SGCZ: variants seen among roughly 807,000 people sequenced by gnomAD.
SGCZ encodes the protein sarcoglycan zeta.
Under a neutral mutation model 41.3 loss-of-function variants are expected in SGCZ, and 40 were observed. The ratio of observed to expected loss-of-function variants is 0.97; its 90% CI spans 0.75 to 1.26. The LOEUF (loss-of-function observed/expected upper bound fraction) is 1.26, where lower values mean the gene tolerates loss of function less well. SGCZ is among the 50% of genes most tolerant of loss of function. The pLI is 0.00. For synonymous variants in SGCZ, 206 were observed against 137.5 expected, an observed-to-expected ratio of 1.50 and a Z score of -3.49; for missense variants, 552 against 369.8, an observed-to-expected ratio of 1.49 and a Z score of -4.04.
intron 1 of SGCZ, among the ~76,000 whole-genome samples, chr8:14,942,437 C>G (rs1585398602): frequency 6.6e-6 from 1 of 152,016 alleles, no homozygotes; most frequent in Non-Finnish European, 1.5e-5. Context: ...TTTTAACAAA[C>G]TAAAGAAATT....
At chr8:14,153,149 T>C (rs1467615393) in intron 5 of SGCZ, among the ~76,000 whole-genome samples, 1 of 152,190 alleles carries the variant, frequency 6.6e-6, no homozygotes, top group African/African-American at 2.4e-5. Flanking sequence ...TTTTATAAGA[T>C]GTTACCATTG....
chr8:14,164,141 T>C (rs1319920525), intron 5 of SGCZ, among the ~76,000 whole-genome samples: 1 of 152,224 alleles, frequency 6.6e-6, no homozygotes, highest in East Asian at 1.9e-4. Flanking sequence ...TTGAGGATAA[T>C]TATGAAAGCC....
At chr8:14,128,086 A>G (rs1318519902) in intron 5 of SGCZ, among the ~76,000 whole-genome samples, 1 of 152,182 alleles carries the variant, frequency 6.6e-6, no homozygotes, top group Non-Finnish European at 1.5e-5. Flanking sequence ...AGTCAAAAAT[A>G]ACAGATTCTG....
chr8:14,736,254 G>C (rs1262157911), intron 1 of SGCZ, among the ~76,000 whole-genome samples: 1 of 152,046 alleles, frequency 6.6e-6, no homozygotes, highest in Admixed American at 6.6e-5. Flanking sequence ...AAATCTTAGA[G>C]CCAACACAGC....
chr8:15,177,181 A>C (rs1205155906), intron 1 of SGCZ, among the ~76,000 whole-genome samples: 1 of 152,218 alleles, frequency 6.6e-6, no homozygotes, highest in Non-Finnish European at 1.5e-5. Context: ...GTTGAAATCA[A>C]ATGAAAAGAC....
chr8:14,632,131 A>G (rs1046110371), intron 1 of SGCZ, among the ~76,000 whole-genome samples: 10 of 151,884 alleles, frequency 6.6e-5, no homozygotes, highest in Admixed American at 1.3e-4. Flanking sequence ...TGATCCTCCC[A>G]CCTCAGCCAC....
At chr8:14,186,265 G>T (rs1192274382) in intron 4 of SGCZ, among the ~76,000 whole-genome samples, 1 of 152,198 alleles carries the variant, frequency 6.6e-6, no homozygotes, top group Non-Finnish European at 1.5e-5. Context: ...AGCAAGTGAA[G>T]AAATATTTAT....
At chr8:14,696,333 G>T (rs1342860225) in intron 1 of SGCZ, among the ~76,000 whole-genome samples, 1 of 152,022 alleles carries the variant, frequency 6.6e-6, no homozygotes, top group African/African-American at 2.4e-5. Context: ...TACACTGAAC[G>T]CAAAGATTCT....
intron 4 of SGCZ, among the ~76,000 whole-genome samples, chr8:14,168,362 G>A (rs1392431338): frequency 6.6e-6 from 1 of 152,066 alleles, no homozygotes; most frequent in Non-Finnish European, 1.5e-5. Context: ...TGGTTTGGTT[G>A]TCTCCCCACC....
chr8:15,058,701 C>T (rs906745654), intron 1 of SGCZ, among the ~76,000 whole-genome samples: 2 of 152,148 alleles, frequency 1.3e-5, no homozygotes, highest in African/African-American at 4.8e-5. Flanking sequence ...ACTAGGATAT[C>T]CTGTCAACAC....
At chr8:15,047,202 T>A (rs1804338754) in intron 1 of SGCZ, among the ~76,000 whole-genome samples, 1 of 152,028 alleles carries the variant, frequency 6.6e-6, no homozygotes, top group South Asian at 2.1e-4. Context: ...AAATACTATG[T>A]ATATGATTGT....
At chr8:14,137,984 A>C (rs934848187) in intron 5 of SGCZ, among the ~76,000 whole-genome samples, 2 of 152,200 alleles carry the variant, frequency 1.3e-5, no homozygotes, top group African/African-American at 4.8e-5. Context: ...CAGACCTCTC[A>C]GCAGAAATTC....
intron 2 of SGCZ, among the ~76,000 whole-genome samples, chr8:14,351,181 G>A (rs1409343574): frequency 6.6e-6 from 1 of 152,116 alleles, no homozygotes; most frequent in Non-Finnish European, 1.5e-5. Flanking sequence ...CTGTAAAAGA[G>A]CTACATTCTT....
At chr8:14,549,553 T>C (rs1218942221) in intron 2 of SGCZ, among the ~76,000 whole-genome samples, 1 of 152,116 alleles carries the variant, frequency 6.6e-6, no homozygotes, top group African/African-American at 2.4e-5. Context: ...ATGTATCACC[T>C]ACTATGTGCT....
intron 2 of SGCZ, among the ~76,000 whole-genome samples, chr8:14,374,166 C>T (rs1804018760): frequency 6.6e-6 from 1 of 152,008 alleles, no homozygotes; most frequent in African/African-American, 2.4e-5. Flanking sequence ...TCACTTGAGT[C>T]CAGGAGTCAG....
At chr8:14,518,181 C>G (rs1239367244) in intron 2 of SGCZ, among the ~76,000 whole-genome samples, 1 of 151,932 alleles carries the variant, frequency 6.6e-6, no homozygotes, top group Middle Eastern at 3.6e-3. Context: ...TAATAAAATA[C>G]TTCGTAAGGG....
At chr8:14,437,306 T>G (rs528582275) in intron 2 of SGCZ, among the ~76,000 whole-genome samples, 22 of 152,276 alleles carry the variant, frequency 1.4e-4, no homozygotes, top group Middle Eastern at 3.4e-3. Context: ...AAAGAAAACT[T>G]TAATAAATTA....
chr8:14,099,916 T>A (rs557511363), intron 7 of SGCZ, among the ~76,000 whole-genome samples: 1 of 152,252 alleles, frequency 6.6e-6, no homozygotes, highest in Admixed American at 6.5e-5. Flanking sequence ...AGTGCAGAAT[T>A]TCACATACAA....
chr8:14,113,229 T>C (rs928334064), intron 5 of SGCZ, among the ~76,000 whole-genome samples: 1 of 152,068 alleles, frequency 6.6e-6, no homozygotes, highest in Admixed American at 6.6e-5. Context: ...CTGAGCCCAT[T>C]TGTGTGTTCA....
Sources: gnomAD v4.1 joint callset for allele counts (sites outside exome capture counted in the v4.1 genomes callset) on GRCh38, gnomAD v4.1.1 for gene constraint, MANE v1.5 for transcripts, NCBI Gene and HGNC (gene_info 2026-07-23, HGNC 2026-07-21) for gene names.